Variants in FRMD4A observed in about 807,000 individuals in gnomAD.
FRMD4A encodes FERM domain containing 4A, also known as FERM domain-containing protein 4A.
In FRMD4A, 29 loss-of-function variants were observed where a neutral mutation model predicts 129.1. The observed-to-expected ratio is 0.22, with a 90% CI of 0.17 to 0.31. The LOEUF is 0.31. FRMD4A is among the 10% of genes least tolerant of loss of function. The probability of loss-of-function intolerance (pLI) is 1.00; values close to 1 mark genes in which losing one functional copy is unlikely to be tolerated. For missense variants in FRMD4A, 1,272 were observed against 1,375.8 expected, an observed-to-expected ratio of 0.92 and a Z score of 1.19; for synonymous variants, 634 against 571.6, an observed-to-expected ratio of 1.11 and a Z score of -1.56.
chr10:13,744,137 C>T (rs996172861), intron 9 of FRMD4A, among the ~76,000 whole-genome samples: 3 of 151,992 alleles, frequency 2.0e-5, no homozygotes, highest in Non-Finnish European at 4.4e-5. Flanking sequence ...ATATGGTTCC[C>T]CGTCTTGGAG....
intron 12 of FRMD4A, among the ~76,000 whole-genome samples, chr10:13,725,358 T>G (rs1214916946): frequency 6.6e-6 from 1 of 152,034 alleles, no homozygotes; most frequent in Non-Finnish European, 1.5e-5. Flanking sequence ...CTTGGGGAGA[T>G]TCTTGGAGCT....
chr10:14,110,695 C>T (rs1000395225), intron 2 of FRMD4A, among the ~76,000 whole-genome samples: 2 of 152,164 alleles, frequency 1.3e-5, no homozygotes, highest in Non-Finnish European at 2.9e-5. Context: ...ATCTGAAAAC[C>T]ACTGCAGAGG....
chr10:14,011,474 C>T (rs970764759), intron 2 of FRMD4A, among the ~76,000 whole-genome samples: 1 of 152,136 alleles, frequency 6.6e-6, no homozygotes, highest in South Asian at 2.1e-4. Flanking sequence ...GCTGCTGAAG[C>T]CTTCATCCAT....
At chr10:13,774,655 C>T (rs980006177) in intron 6 of FRMD4A, among the ~76,000 whole-genome samples, 1 of 152,118 alleles carries the variant, frequency 6.6e-6, no homozygotes, top group Non-Finnish European at 1.5e-5. Context: ...AACCAGCTTG[C>T]GACGGGATCA....
chr10:13,948,564 C>G lies in FRMD4A; in HGVS notation c.46-89652G>C, dbSNP rs535024306. On this transcript the variant is annotated intron_variant, in intron 2 of 24. Coordinates refer to ENST00000357447, the MANE Select transcript of FRMD4A (RefSeq NM_018027.5). ...GGTTAGGAGCATTTTGCAGGCAGCTCTAGGGTACAGCATGGGCAAAAAGGG... is the reference window on the plus strand; with the variant it reads ...GGTTAGGAGCATTTTGCAGGCAGCTGTAGGGTACAGCATGGGCAAAAAGGG... Among the ~76,000 whole-genome samples the G allele has an allele frequency of 7.3e-5, 11 of 151,494 alleles. No homozygotes were observed. In the South Asian group the frequency reaches 8.4e-4, roughly 12 times the overall value.
At chr10:13,732,376 C>G (rs77928397) in intron 12 of FRMD4A, among the ~76,000 whole-genome samples, 3,970 of 152,168 alleles carry the variant, frequency 0.026, 166 homozygotes, top group African/African-American at 0.091. Context: ...AGTGGATTCT[C>G]AAGGCGGCTG....
intron 13 of FRMD4A, among the ~76,000 whole-genome samples, chr10:13,705,463 C>T (rs1003807614): frequency 3.3e-5 from 5 of 152,214 alleles, no homozygotes; most frequent in South Asian, 2.1e-4. Flanking sequence ...ATTCCCTGCG[C>T]TCAGCCCCTT....
At chr10:14,118,278 C>G (rs1352841026) in intron 2 of FRMD4A, among the ~76,000 whole-genome samples, 1 of 152,156 alleles carries the variant, frequency 6.6e-6, no homozygotes, top group African/African-American at 2.4e-5. Flanking sequence ...GCTTGGCAAC[C>G]TTAGGTGAGA....
At chr10:13,700,230 G>C (rs547717514) in intron 14 of FRMD4A, among the ~76,000 whole-genome samples, 1 of 151,868 alleles carries the variant, frequency 6.6e-6, no homozygotes, top group African/African-American at 2.4e-5. Flanking sequence ...CTACAGATGT[G>C]AGCCACTGTG....
intron 2 of FRMD4A, among the ~76,000 whole-genome samples, chr10:14,258,555 G>A (rs572815249): frequency 5.9e-5 from 9 of 152,278 alleles, no homozygotes; most frequent in East Asian, 1.9e-4. Flanking sequence ...CATACCTAGC[G>A]TTGGTGATTA....
chr10:14,079,703 G>A (rs566860244), intron 2 of FRMD4A, among the ~76,000 whole-genome samples: 39 of 152,302 alleles, frequency 2.6e-4, no homozygotes, highest in Non-Finnish European at 4.6e-4. Flanking sequence ...TGACAACAGC[G>A]CTGAGCAGTT....
At position 13,971,769 on chromosome 10, in the gene FRMD4A, G is replaced by T. The variant is rs115396302; in HGVS notation, c.46-112857C>A. On this transcript the variant is annotated intron_variant, in intron 2 of 24. Transcript: ENST00000357447. ...CAAGTCAGGTTCCAACTCCACGGTG[G>T]GTCCTCAGAGCCAAGCAGCCCAGCA... 4.9e-3 allele frequency: 6,425 copies of T among 1,304,304 alleles called. 46 individuals carry two copies. Among genetic ancestry groups the T allele is most frequent in the Middle Eastern group, 0.034 (160 of 4,700 alleles). The allele number at this position is 1,304,304 out of a possible 1,614,324, so 80.8% of individuals were successfully genotyped here.
chr10:14,037,847 C>G (rs1005170454), intron 2 of FRMD4A, among the ~76,000 whole-genome samples: 1 of 152,188 alleles, frequency 6.6e-6, no homozygotes, highest in African/African-American at 2.4e-5. Context: ...AATTGATAAT[C>G]TCCTTTCATA....
chr10:14,162,630 G>GTTTTATTTTTGTTT (rs1840952714), intron 2 of FRMD4A, among the ~76,000 whole-genome samples: 1 of 117,312 alleles, frequency 8.5e-6, no homozygotes, highest in Non-Finnish European at 1.7e-5. Context: ...GAGTTTCTCT[G>GTTTTATTTTTGTTT]TTTTTTTTTT....
intron 2 of FRMD4A, among the ~76,000 whole-genome samples, chr10:14,120,746 G>A (rs117309897): frequency 0.033 from 5,097 of 152,278 alleles, 130 homozygotes; most frequent in Admixed American, 0.083. Context: ...TTTTACGTGA[G>A]TGAGAAATAA....
chr10:13,960,376 C>G (rs997391799), intron 2 of FRMD4A, among the ~76,000 whole-genome samples: 14 of 152,198 alleles, frequency 9.2e-5, no homozygotes, highest in African/African-American at 3.4e-4. Context: ...TCAGGTGACA[C>G]AGAAAGCTCA....
In FRMD4A at chr10:13,717,616, ATTTTTTTTT is replaced by A. The variant is rs10593675; in HGVS notation, c.760-10512_760-10504del. On this transcript the variant is annotated intron_variant, in intron 12 of 24. Transcript: ENST00000357447. ...GGCATGAGCCAACGCACCCGGCTAA[ATTTTTTTTT>A]TTTTTTTTTTTAATCAGGGTTTGAC... Among the ~76,000 whole-genome samples the A allele has an allele frequency of 1.6e-3, 208 of 130,312 alleles. 2 individuals carry two copies. Among genetic ancestry groups the A allele is most frequent in the Middle Eastern group, 0.015 (4 of 266 alleles). The allele number at this position is 130,312 out of a possible 152,430, so 85.5% of individuals were successfully genotyped here.
chr10:14,319,303 G>A (rs977423761), intron 2 of FRMD4A, among the ~76,000 whole-genome samples: 3 of 145,752 alleles, frequency 2.1e-5, no homozygotes, highest in Admixed American at 7.2e-5. Context: ...ATTACAAAGT[G>A]TGGGATAGTT....
At chr10:14,160,431 G>C (rs1840825227) in intron 2 of FRMD4A, among the ~76,000 whole-genome samples, 1 of 152,136 alleles carries the variant, frequency 6.6e-6, no homozygotes, top group African/African-American at 2.4e-5. Flanking sequence ...CACAAAAATA[G>C]ACAAGTGGAA....
Sources: allele counts gnomAD v4.1 joint callset (sites outside exome capture counted in the v4.1 genomes callset), GRCh38; gene constraint gnomAD v4.1.1; transcripts MANE v1.5; gene names NCBI Gene and HGNC (gene_info 2026-07-23, HGNC 2026-07-21).